ZNF624: variants seen among roughly 807,000 people sequenced by gnomAD.
The protein encoded by ZNF624 is zinc finger protein 624.
In ZNF624, 43 loss-of-function variants were observed where a neutral mutation model predicts 74.7. The ratio of observed to expected loss-of-function variants is 0.58; its 90% CI spans 0.45 to 0.74. The LOEUF is 0.74. Ranked by LOEUF, ZNF624 falls within the 30% of genes least tolerant of loss-of-function variation. The pLI is 0.00. For missense variants in ZNF624, 820 were observed against 1,030.0 expected (o/e 0.80, Z 2.79); for synonymous variants, 331 against 341.3 (o/e 0.97, Z 0.33).
intron 3 of ZNF624, among the ~76,000 whole-genome samples, chr17:16,639,921 T>C (rs1245642387): frequency 6.6e-6 from 1 of 152,110 alleles, no homozygotes; most frequent in Non-Finnish European, 1.5e-5. Context: ...CACGAAAGCA[T>C]GGACCCATAC....
downstream of ZNF624, chr17:16,616,910 T>C (rs1908802601): frequency 6.6e-7 from 1 of 1,518,264 alleles, no homozygotes; most frequent in South Asian, 1.2e-5. Context: ...GAACAGGATC[T>C]TGAAGTAGCT....
At chr17:16,632,259 C>T (rs563081201) in intron 5 of ZNF624, among the ~76,000 whole-genome samples, 2 of 152,156 alleles carry the variant, frequency 1.3e-5, no homozygotes, top group African/African-American at 4.8e-5. Flanking sequence ...CAAGGTAAAT[C>T]CCCCTTTCCT....
intron 2 of ZNF624, 119 bp from the exon 3 acceptor site, chr17:16,647,513 G>T: frequency 1.3e-6 from 1 of 747,682 alleles, no homozygotes; most frequent in Non-Finnish European, 2.4e-6. Flanking sequence ...CTCACCTACT[G>T]TTTTACTTAG....
chr17:16,629,265 G>A (rs1909151469), intron 5 of ZNF624, among the ~76,000 whole-genome samples: 2 of 136,716 alleles, frequency 1.5e-5, no homozygotes, highest in South Asian at 4.6e-4. Flanking sequence ...GTCTTGCTCT[G>A]TCACCCAGGC....
Position 16,622,752 on chromosome 17 carries a change from TA to T in ZNF624, c.2133del (p.Phe711LeufsTer85). ...CGKVFTSNSG[F>X]NTHQRTHTGE... Reference sequence around the variant, plus strand: ...CCAGTATGTGTTCTTTGATGTGTATTAAAGCCTGAGTTACTTGTGAAAACCT... The same window carrying T: ...CCAGTATGTGTTCTTTGATGTGTATTAAGCCTGAGTTACTTGTGAAAACCT... On this transcript the variant is annotated frameshift_variant, in exon 6 of 6. Coordinates refer to ENST00000311331, the MANE Select transcript of ZNF624 (RefSeq NM_020787.4). LOFTEE classifies it high-confidence loss of function. 6.2e-7 allele frequency: 1 copy of T among 1,613,782 alleles called. No homozygotes were observed. The highest frequency in any genetic ancestry group is 8.5e-7 in the Non-Finnish European group (1 of 1,179,980).
chr17:16,617,169 T>C (rs914188389), downstream of ZNF624: 12 of 1,612,752 alleles, frequency 7.4e-6, no homozygotes, highest in Admixed American at 1.5e-4. Context: ...TCCTGCCTTT[T>C]GATCGAGAAC....
intron 4 of ZNF624, 102 bp from the exon 5 acceptor site, chr17:16,634,059 A>T (rs200843207): frequency 4.7e-6 from 3 of 640,660 alleles, no homozygotes; most frequent in East Asian, 6.3e-5. Context: ...TGACCATTAC[A>T]GGAAGTTCTA....
intron 3 of ZNF624, among the ~76,000 whole-genome samples, chr17:16,642,501 ATAAACAAAACT>A (rs1187163260): frequency 2.6e-5 from 4 of 152,202 alleles, no homozygotes; most frequent in African/African-American, 9.6e-5. Flanking sequence ...ACCTCAGACC[ATAAACAAAACT>A]TAACTCAAAA....
At chr17:16,639,255 T>C (rs1351521116) in intron 3 of ZNF624, among the ~76,000 whole-genome samples, 1 of 152,164 alleles carries the variant, frequency 6.6e-6, no homozygotes, top group African/African-American at 2.4e-5. Flanking sequence ...TCCTCTGGGG[T>C]GTTTTTCTAC....
At chr17:16,643,260 G>A (rs1036097707) in intron 3 of ZNF624, among the ~76,000 whole-genome samples, 1 of 152,084 alleles carries the variant, frequency 6.6e-6, no homozygotes, top group Non-Finnish European at 1.5e-5. Context: ...GCCCCAAAGT[G>A]GAAACAACTC....
intron 5 of ZNF624, chr17:16,624,720 T>C: frequency 2.1e-6 from 1 of 480,974 alleles, no homozygotes; most frequent in South Asian, 3.4e-5. Context: ...ACTTTCCCGT[T>C]AAAAAAGTCC....
chr17:16,623,239 C>T lies in ZNF624; in HGVS notation c.1647G>A (p.Met549Ile). The T allele has an allele frequency of 6.2e-7, 1 of 1,613,844 alleles. No individual in the cohort carries two copies. ...NYSCLTVHHR[M>I]HTGEKPYKCT... ...ATTTATAAGGTTTCTCTCCTGTATGCATTCTGTGGTGTACAGTAAGGCATG... is the reference window on the plus strand; with the variant it reads ...ATTTATAAGGTTTCTCTCCTGTATGTATTCTGTGGTGTACAGTAAGGCATG... Residue 549 changes from methionine (M) to isoleucine (I), a missense_variant, in exon 6 of 6, where the codon ATG becomes ATA. Transcript: ENST00000311331. The surrounding 1 kb of genome is among the most constrained non-coding windows in gnomAD (Gnocchi z 5.3).
At position 16,634,620 on chromosome 17, in the gene ZNF624, T is replaced by C. The variant is rs372499352; in HGVS notation, c.280+10A>G. On this transcript the variant is annotated intron_variant, in intron 4 of 5. Coordinates refer to ENST00000311331, the MANE Select transcript of ZNF624 (RefSeq NM_020787.4). ...CAGATCAATCAACACAGAAGAGAAGTTATCCTTACCCAGGGAGACCAGATT... is the reference window on the plus strand; with the variant it reads ...CAGATCAATCAACACAGAAGAGAAGCTATCCTTACCCAGGGAGACCAGATT... The C allele has an allele frequency of 3.7e-5, 60 of 1,611,268 alleles. No individual in the cohort carries two copies. The highest frequency in any genetic ancestry group is 5.0e-5 in the Non-Finnish European group (59 of 1,178,692).
intron 3 of ZNF624, among the ~76,000 whole-genome samples, chr17:16,636,370 A>G (rs1909329927): frequency 6.6e-6 from 1 of 152,190 alleles, no homozygotes; most frequent in African/African-American, 2.4e-5. Context: ...TATTTTAGCT[A>G]ATGAATGAAG....
downstream of ZNF624, among the ~76,000 whole-genome samples, chr17:16,619,126 GGAGA>G (rs998895112): frequency 3.3e-5 from 5 of 152,080 alleles, no homozygotes; most frequent in African/African-American, 9.7e-5. Context: ...GCAAAACAAG[GGAGA>G]GAGAGGAAGA....
chr17:16,616,805 A>G (rs769347099), downstream of ZNF624: 85 of 913,956 alleles, frequency 9.3e-5, no homozygotes, highest in Non-Finnish European at 1.3e-4. Context: ...CCTAAGCAGG[A>G]AAGTGTTCCA....
At chr17:16,651,072 T>C (rs1294617026) in intron 1 of ZNF624, among the ~76,000 whole-genome samples, 2 of 152,132 alleles carry the variant, frequency 1.3e-5, no homozygotes, top group African/African-American at 4.8e-5. Flanking sequence ...CTGAAACATA[T>C]ACTGTCAGAT....
At chr17:16,635,656 A>T (rs937604484) in intron 3 of ZNF624, among the ~76,000 whole-genome samples, 4 of 152,194 alleles carry the variant, frequency 2.6e-5, no homozygotes, top group Non-Finnish European at 4.4e-5. Flanking sequence ...CAATGTTTTC[A>T]GTAAATAATC....
downstream of ZNF624, chr17:16,617,718 A>T: frequency 6.2e-7 from 1 of 1,604,304 alleles, no homozygotes; most frequent in Non-Finnish European, 8.5e-7. Context: ...CTCGCTGTTC[A>T]GCTCGTAAAG....
Sources: allele counts gnomAD v4.1 joint callset (sites outside exome capture counted in the v4.1 genomes callset), GRCh38; gene constraint gnomAD v4.1.1; non-coding constraint Gnocchi (gnomAD v3.1); transcripts MANE v1.5; gene names NCBI Gene and HGNC (gene_info 2026-07-23, HGNC 2026-07-21).